The following PTPRK variants were observed in gnomAD, a reference collection of about 807,000 sequenced individuals.
PTPRK encodes the protein protein tyrosine phosphatase receptor type K, also known as receptor-type tyrosine-protein phosphatase kappa.
PTPRK carries 75 observed loss-of-function variants against 178.0 expected under a neutral mutation model. The ratio of observed to expected loss-of-function variants is 0.42; its 90% CI spans 0.35 to 0.51. The LOEUF is 0.51. Among genes scored for constraint, PTPRK ranks in the 20% least tolerant of loss-of-function variants. PTPRK has a pLI of 0.02. For synonymous variants in PTPRK, 637 were observed against 620.6 expected, an observed-to-expected ratio of 1.03 and a Z score of -0.39; for missense variants, 1,441 against 1,797.8, an observed-to-expected ratio of 0.80 and a Z score of 3.59.
Position 128,190,490 on chromosome 6 carries a change from CTTTTTTTTTT to C in PTPRK, c.869-5775_869-5766del, listed in dbSNP as rs34873441. Among the ~76,000 whole-genome samples the C allele has an allele frequency of 1.4e-4, 13 of 96,132 alleles. 1 individual carries two copies. Among genetic ancestry groups the C allele is most frequent in the African/African-American group, 4.7e-4 (9 of 18,978 alleles). 63.1% of individuals were successfully genotyped at this position (96,132 alleles called of 152,430 possible). A position where few individuals can be genotyped will look rare whatever the true frequency, so the allele number is the denominator to read the frequency against. ...ACCCATCAATTCAAGTGATAGATACCTTTTTTTTTTTTTTTTTTTTTTTTTTTTGACAGAG... is the reference window on the plus strand; with the variant it reads ...ACCCATCAATTCAAGTGATAGATACCTTTTTTTTTTTTTTTTTTGACAGAG... On this transcript the variant is annotated intron_variant, in intron 6 of 29. Coordinates refer to ENST00000368226, the MANE Select transcript of PTPRK (RefSeq NM_002844.4).
intron 3 of PTPRK, among the ~76,000 whole-genome samples, chr6:128,268,638 A>G (rs1819320773): frequency 1.3e-5 from 2 of 152,196 alleles, no homozygotes; most frequent in East Asian, 3.9e-4. Flanking sequence ...AGTGAACAGT[A>G]AAATTATTTT....
At chr6:128,495,334 G>T (rs181892952) in intron 1 of PTPRK, among the ~76,000 whole-genome samples, 1 of 152,180 alleles carries the variant, frequency 6.6e-6, no homozygotes, top group East Asian at 1.9e-4. Context: ...CTTAATAAGA[G>T]ACGCAATTTC....
intron 14 of PTPRK, among the ~76,000 whole-genome samples, chr6:128,007,769 A>G (rs1778602623): frequency 6.6e-6 from 1 of 151,116 alleles, no homozygotes; most frequent in Admixed American, 6.6e-5. Flanking sequence ...AAGTGACCAG[A>G]ACATTGTGAA....
chr6:128,261,565 A>G (rs567758737), intron 3 of PTPRK, among the ~76,000 whole-genome samples: 5 of 152,312 alleles, frequency 3.3e-5, no homozygotes, highest in African/African-American at 1.2e-4. Flanking sequence ...GCAGAGCTTC[A>G]GTCTAGAGCA....
chr6:128,436,277 TA>T (rs1845588111), intron 1 of PTPRK, among the ~76,000 whole-genome samples: 1 of 152,126 alleles, frequency 6.6e-6, no homozygotes, highest in African/African-American at 2.4e-5. Context: ...TAATAGCAAT[TA>T]AAACTATACT....
chr6:127,983,146 T>C, intron 23 of PTPRK, 96 bp downstream of exon 23: 2 of 1,330,604 alleles, frequency 1.5e-6, no homozygotes, highest in Non-Finnish European at 2.0e-6. Context: ...AAAACATCTC[T>C]TTCGGTTGAG....
intron 6 of PTPRK, among the ~76,000 whole-genome samples, chr6:128,198,001 C>G (rs1228376391): frequency 6.6e-6 from 1 of 152,074 alleles, no homozygotes; most frequent in East Asian, 1.9e-4. Flanking sequence ...ATTCAAGTGC[C>G]AGACTTGTGC....
At chr6:128,050,051 G>A (rs896738233) in intron 13 of PTPRK, among the ~76,000 whole-genome samples, 1 of 152,082 alleles carries the variant, frequency 6.6e-6, no homozygotes, top group African/African-American at 2.4e-5. Context: ...CAGGAGAATT[G>A]CTTGAACCCA....
At chr6:128,162,266 T>C (rs1583281888) in intron 7 of PTPRK, among the ~76,000 whole-genome samples, 1 of 151,728 alleles carries the variant, frequency 6.6e-6, no homozygotes, top group South Asian at 2.1e-4. Context: ...TGATATATAA[T>C]ACAGCTACCA....
chr6:128,171,517 C>G (rs997460542), intron 7 of PTPRK, among the ~76,000 whole-genome samples: 2 of 151,978 alleles, frequency 1.3e-5, no homozygotes, highest in African/African-American at 4.8e-5. Context: ...CCTGTCCAAG[C>G]TGAGAATATA....
chr6:128,270,527 T>C (rs918795369), intron 3 of PTPRK, among the ~76,000 whole-genome samples: 3 of 152,260 alleles, frequency 2.0e-5, no homozygotes, highest in Non-Finnish European at 2.9e-5. Flanking sequence ...TTAGTACACA[T>C]TGAATATAAA....
rs760874630 is a variant in PTPRK at position 128,067,682 on chromosome 6, C to A, written c.1994G>T (p.Gly665Val). ...PVTYQNAMSGGAPYYFAAELP... is the reference protein window; with the variant it reads ...PVTYQNAMSGVAPYYFAAELP... ...TTCTGCAGCAAAGTAATACGGTGCACCCCCACTCATGGCATTTTGGTATGT... is the reference window on the plus strand; with the variant it reads ...TTCTGCAGCAAAGTAATACGGTGCAACCCCACTCATGGCATTTTGGTATGT... The change falls in exon 12 of 30, where the codon GGT (glycine) becomes GTT (valine). Residue 665 changes from glycine to valine, a missense_variant. Gly to Val is a moderately radical substitution (Grantham distance 109). This residue lies in a region of PTPRK where 945 missense variants were observed against 1,080.6 expected (regional missense o/e 0.87). Transcript: ENST00000368226. 5.0e-6 allele frequency: 8 copies of A among 1,613,552 alleles called. No homozygotes were observed. The highest frequency in any genetic ancestry group is 6.8e-6 in the Non-Finnish European group (8 of 1,179,722).
In PTPRK at chr6:128,089,874, G is replaced by A. The variant is rs1311995680; in HGVS notation, c.1281C>T (p.Ile427=). Residue 427 remains isoleucine, a synonymous_variant, in exon 8 of 30, where the codon ATC becomes ATT. Coordinates refer to ENST00000368226, the MANE Select transcript of PTPRK (RefSeq NM_002844.4). The part of the protein sequence containing the change: ...ITRCHTFNVT[I]CYHYFRGHNE... ...TGTGACCACGGAAGTAATGGTAGCAGATAGTGACATTAAAAGTGTGGCAAC... is the reference window on the plus strand; with the variant it reads ...TGTGACCACGGAAGTAATGGTAGCAAATAGTGACATTAAAAGTGTGGCAAC... 1.2e-6 allele frequency: 2 copies of A among 1,613,952 alleles called. No individual in the cohort carries two copies. Among genetic ancestry groups the A allele is most frequent in the African/African-American group, 1.3e-5 (1 of 75,042 alleles).
At chr6:128,227,497 A>G (rs1352989264) in intron 5 of PTPRK, among the ~76,000 whole-genome samples, 3 of 152,256 alleles carry the variant, frequency 2.0e-5, no homozygotes, top group Non-Finnish European at 4.4e-5. Flanking sequence ...ATTTTAAAAC[A>G]TAACTCAAAG....
rs1784317603 is a variant in PTPRK at position 128,078,917 on chromosome 6, A to C, written c.1779T>G (p.Ala593=). 1 of 1,590,098 alleles carries C rather than the reference A, an allele frequency of 6.3e-7. No individual in the cohort carries two copies. Among genetic ancestry groups the C allele is most frequent in the African/African-American group, 1.3e-5 (1 of 74,306 alleles). The part of the protein sequence containing the change: ...TAINVTTNIS[A]PTLPDYEGVD... ...CTCCTTCATAGTCAGGTAAAGTTGG[A>C]GCTGATGAGTGATTAATGAGATAAA... is the stretch of plus-strand genomic sequence containing the variant. Residue 593 remains alanine, a splice_region_variant and synonymous_variant, in exon 11 of 30, where the codon GCT becomes GCG. Coordinates refer to ENST00000368226, the MANE Select transcript of PTPRK (RefSeq NM_002844.4).
chr6:127,978,037 T>A (rs541215519), intron 25 of PTPRK, among the ~76,000 whole-genome samples: 1 of 152,328 alleles, frequency 6.6e-6, no homozygotes, highest in East Asian at 1.9e-4. Flanking sequence ...TGGACTTCAC[T>A]GATGCTACCA....
intron 15 of PTPRK, among the ~76,000 whole-genome samples, chr6:128,002,441 C>T (rs1174646052): frequency 6.6e-6 from 1 of 151,754 alleles, no homozygotes; most frequent in Non-Finnish European, 1.5e-5. Context: ...AAGCTGATTA[C>T]TAATCATTGG....
rs190913450 is a variant in PTPRK at position 128,348,299 on chromosome 6, G to T, written c.224-25989C>A. ...CCAAAATGTAAAATTCTGCCAAAAAGAAGCTATTTTAGTCAAATCCAGATG... is the reference window on the plus strand; with the variant it reads ...CCAAAATGTAAAATTCTGCCAAAAATAAGCTATTTTAGTCAAATCCAGATG... On this transcript the variant is annotated intron_variant, in intron 2 of 29. Transcript: ENST00000368226. 3.8e-3 allele frequency among the ~76,000 whole-genome samples: 584 copies of T among 151,950 alleles called. 3 individuals carry two copies. Among genetic ancestry groups the T allele is most frequent in the African/African-American group, 0.013 (544 of 41,508 alleles).
chr6:128,304,850 G>A (rs937709579), intron 3 of PTPRK, among the ~76,000 whole-genome samples: 2 of 152,100 alleles, frequency 1.3e-5, no homozygotes, highest in African/African-American at 4.8e-5. Context: ...AAGAAGACAA[G>A]AAACTATTTT....
Sources: gnomAD v4.1 joint callset for allele counts (sites outside exome capture counted in the v4.1 genomes callset) on GRCh38, gnomAD v4.1.1 for gene constraint, gnomAD v4.1.1 regional missense constraint, MANE v1.5 for transcripts, NCBI Gene and HGNC (gene_info 2026-07-23, HGNC 2026-07-21) for gene names.